N4BP1: variants seen among roughly 807,000 people sequenced by gnomAD.
N4BP1 encodes NEDD4-binding protein 1.
A neutral mutation model predicts 70.9 loss-of-function variants in N4BP1; 21 were observed. That is an observed-to-expected ratio of 0.30 (90% CI 0.21 to 0.43). The LOEUF (loss-of-function observed/expected upper bound fraction) is 0.43. Ranked by LOEUF, N4BP1 falls within the 20% of genes least tolerant of loss-of-function variation. The pLI, the probability that N4BP1 is intolerant of heterozygous loss-of-function variation, is 1.00. For missense variants in N4BP1, 936 were observed against 1,069.4 expected (o/e 0.88, Z 1.74); for synonymous variants, 387 against 394.6 (o/e 0.98, Z 0.23).
At position 48,588,514 on chromosome 16, in the gene N4BP1, C is replaced by T. The variant is rs533741090; in HGVS notation, c.198+21261G>A. Among the ~76,000 whole-genome samples, 12 of 152,054 alleles carry T rather than the reference C, an allele frequency of 7.9e-5. 1 individual carries two copies. In the South Asian group the frequency reaches 1.2e-3, roughly 16 times the overall value. On this transcript the variant is annotated intron_variant, in intron 1 of 6. Transcript: ENST00000262384. The stretch of plus-strand genomic sequence containing the variant: ...TTCACCATATTGGCCAGGCTGGTCT[C>T]GAACTCCTGACCTCAAGTGATCCAC...
chr16:48,555,499 T>C (rs1963738149), intron 2 of N4BP1, among the ~76,000 whole-genome samples: 1 of 152,206 alleles, frequency 6.6e-6, no homozygotes, highest in African/African-American at 2.4e-5. Context: ...TCTTTTTCAG[T>C]GAACCATAAA....
At chr16:48,588,681 T>C (rs1367244356) in intron 1 of N4BP1, among the ~76,000 whole-genome samples, 3 of 152,180 alleles carry the variant, frequency 2.0e-5, no homozygotes, top group Admixed American at 6.5e-5. Flanking sequence ...TCTGCAATGA[T>C]GGAAATGTCC....
chr16:48,602,974 C>A (rs1157247562), intron 1 of N4BP1, among the ~76,000 whole-genome samples: 1 of 151,820 alleles, frequency 6.6e-6, no homozygotes, highest in Non-Finnish European at 1.5e-5. Flanking sequence ...AGAGCCAAAC[C>A]CTATCTCACA....
At chr16:48,563,480 G>A (rs889973667) in intron 1 of N4BP1, among the ~76,000 whole-genome samples, 12 of 151,836 alleles carry the variant, frequency 7.9e-5, no homozygotes, top group African/African-American at 2.7e-4. Flanking sequence ...CGATCTCCCA[G>A]GTTCAAGCGA....
intron 1 of N4BP1, among the ~76,000 whole-genome samples, chr16:48,604,197 G>GA: frequency 6.6e-6 from 1 of 152,328 alleles, no homozygotes; most frequent in Middle Eastern, 3.4e-3. Context: ...CTCTGGGGAT[G>GA]AACTAGCACT....
chr16:48,562,574 A>C (rs1015770431), intron 1 of N4BP1, 130 bp from the exon 2 acceptor site: 1 of 771,534 alleles, frequency 1.3e-6, no homozygotes, highest in Non-Finnish European at 2.0e-6. Flanking sequence ...TTTTGAACAA[A>C]ATGTCATGTT....
rs1198833415 is a variant in N4BP1 at position 48,609,397 on chromosome 16, G to A, written c.198+378C>T. 3.9e-5 allele frequency among the ~76,000 whole-genome samples: 6 copies of A among 152,302 alleles called. No individual in the cohort carries two copies. The East Asian group carries it at 9.6e-4, about 24-fold the overall frequency. On this transcript the variant is annotated intron_variant, in intron 1 of 6. Coordinates refer to ENST00000262384, the MANE Select transcript of N4BP1 (RefSeq NM_153029.4). ...GCTTAGGTGGTGGACGAGGCTGCGG[G>A]CCCAGCAACAGGCCTTGCGTACCAT...
At chr16:48,578,563 T>C (rs984103397) in intron 1 of N4BP1, among the ~76,000 whole-genome samples, 2 of 152,238 alleles carry the variant, frequency 1.3e-5, no homozygotes, top group East Asian at 1.9e-4. Context: ...CTTGTGAACA[T>C]GGCAACTAAT....
chr16:48,544,352 G>A (rs185867224), intron 6 of N4BP1, among the ~76,000 whole-genome samples: 1 of 152,274 alleles, frequency 6.6e-6, no homozygotes, highest in African/African-American at 2.4e-5. Flanking sequence ...CAAACCTACA[G>A]CTCCCAGTGG....
At chr16:48,556,662 A>C in intron 2 of N4BP1, among the ~76,000 whole-genome samples, 1 of 152,194 alleles carries the variant, frequency 6.6e-6, no homozygotes, top group East Asian at 1.9e-4. Flanking sequence ...TGGCAACTAA[A>C]AGAAAGTGTC....
At chr16:48,560,529 C>T (rs978841362) in intron 2 of N4BP1, 35 of 503,076 alleles carry the variant, frequency 7.0e-5, no homozygotes, top group African/African-American at 9.9e-5. Flanking sequence ...TCCTCTCTTG[C>T]CCTTAGAAAT....
intron 1 of N4BP1, among the ~76,000 whole-genome samples, chr16:48,602,361 TGATTATA>T (rs1345487876): frequency 6.6e-6 from 1 of 152,234 alleles, no homozygotes; most frequent in African/African-American, 2.4e-5. Context: ...TAATCTTCTA[TGATTATA>T]TCAATTTCAT....
intron 1 of N4BP1, among the ~76,000 whole-genome samples, chr16:48,603,360 C>T (rs1964531452): frequency 6.6e-6 from 1 of 151,868 alleles, no homozygotes; most frequent in South Asian, 2.1e-4. Context: ...CTGGCTAGGC[C>T]TCTCGGTGGC....
At chr16:48,554,762 T>C (rs1414853782) in intron 2 of N4BP1, among the ~76,000 whole-genome samples, 3 of 152,224 alleles carry the variant, frequency 2.0e-5, no homozygotes, top group African/African-American at 7.2e-5. Flanking sequence ...AGTCCTGCCA[T>C]GATGGGCATA....
At chr16:48,596,449 C>A (rs1227426341) in intron 1 of N4BP1, among the ~76,000 whole-genome samples, 1 of 152,216 alleles carries the variant, frequency 6.6e-6, no homozygotes, top group Non-Finnish European at 1.5e-5. Context: ...TCAACACCTT[C>A]CCCCACTACG....
At position 48,561,221 on chromosome 16, in the gene N4BP1, G is replaced by C; in HGVS notation, c.1422C>G (p.Val474=). The C allele has an allele frequency of 6.2e-7, 1 of 1,613,964 alleles. No homozygotes were observed. The highest frequency in any genetic ancestry group is 1.6e-4 in the Middle Eastern group (1 of 6,062). The stretch of plus-strand genomic sequence containing the variant: ...AAATGTAGTTCTGGTTTGAACCCCA[G>C]ACTTCATGTTTCTGTTCTATTGGCA... ...RTVPIEQKHE[V]WGSNQNYICN... The change falls in exon 2 of 7, where the codon GTC becomes GTG. Residue 474 remains valine, a synonymous_variant. Transcript: ENST00000262384.
In N4BP1 at chr16:48,597,721, A is replaced by C. The variant is rs367773192; in HGVS notation, c.198+12054T>G. Among the ~76,000 whole-genome samples, 7 of 151,664 alleles carry C rather than the reference A, an allele frequency of 4.6e-5. No homozygotes were observed. The East Asian group carries it at 7.7e-4, about 17-fold the overall frequency. On this transcript the variant is annotated intron_variant, in intron 1 of 6. Transcript: ENST00000262384. Reference sequence around the variant, plus strand: ...AACCTTTAAACGCCCTAACCCCACAAATCCCTTAGGGAGTCAGATTTGAGG... The same window carrying C: ...AACCTTTAAACGCCCTAACCCCACACATCCCTTAGGGAGTCAGATTTGAGG...
At chr16:48,548,672 C>G (rs1963622810) in intron 4 of N4BP1, among the ~76,000 whole-genome samples, 1 of 151,880 alleles carries the variant, frequency 6.6e-6, no homozygotes, top group East Asian at 1.9e-4. Flanking sequence ...CATGGTGAAA[C>G]CCCGTCTCTA....
intron 4 of N4BP1, 84 bp downstream of exon 4, chr16:48,551,302 A>G (rs1963662216): frequency 1.1e-6 from 1 of 944,650 alleles, no homozygotes; most frequent in Admixed American, 2.0e-5. Context: ...AGGTCCTCTA[A>G]AAGTGTGGAC....
Sources: allele counts gnomAD v4.1 joint callset (sites outside exome capture counted in the v4.1 genomes callset), GRCh38; gene constraint gnomAD v4.1.1; transcripts MANE v1.5; gene names NCBI Gene and HGNC (gene_info 2026-07-23, HGNC 2026-07-21).